The following CAGE1 variants were observed in gnomAD, a reference collection of about 807,000 sequenced individuals.
CAGE1 encodes the protein cancer-associated gene 1 protein.
In CAGE1, 66 loss-of-function variants were observed where a neutral mutation model predicts 94.9. That is an observed-to-expected ratio of 0.70 (90% CI 0.57 to 0.85). CAGE1 has a LOEUF of 0.85. Among genes scored for constraint, CAGE1 ranks in the 40% least tolerant of loss-of-function variants. The pLI, the probability that CAGE1 is intolerant of heterozygous loss-of-function variation, is 0.00. For missense variants in CAGE1, 865 were observed against 950.4 expected (o/e 0.91, Z 1.18); for synonymous variants, 319 against 321.0 (o/e 0.99, Z 0.07).
chr6:7,355,532 A>G (rs1759921113), intron 10 of CAGE1, among the ~76,000 whole-genome samples: 1 of 152,258 alleles, frequency 6.6e-6, no homozygotes, highest in South Asian at 2.1e-4. Context: ...GGATAGACAC[A>G]CACAACAATC....
intron 11 of CAGE1, among the ~76,000 whole-genome samples, chr6:7,346,812 T>G (rs1759561876): frequency 6.6e-6 from 1 of 151,716 alleles, no homozygotes; most frequent in South Asian, 2.1e-4. Context: ...CAGCTGAGAT[T>G]GTGCCACTGC....
intron 11 of CAGE1, among the ~76,000 whole-genome samples, chr6:7,337,325 G>GAAAAAAAA (rs58144720): frequency 1.2e-5 from 1 of 81,592 alleles, no homozygotes; most frequent in Non-Finnish European, 2.5e-5. Flanking sequence ...AGACTGTCTC[G>GAAAAAAAA]AAAAAAAAAA....
intron 6 of CAGE1, among the ~76,000 whole-genome samples, chr6:7,369,243 G>A (rs1221138423): frequency 6.6e-6 from 1 of 151,966 alleles, no homozygotes; most frequent in Non-Finnish European, 1.5e-5. Context: ...CCTGACCTCA[G>A]GTGATCTGCC....
intron 11 of CAGE1, among the ~76,000 whole-genome samples, chr6:7,344,460 A>G (rs991985260): frequency 1.1e-4 from 16 of 152,192 alleles, no homozygotes; most frequent in African/African-American, 3.6e-4. Flanking sequence ...CCCGCAGGGC[A>G]GGATTCGGGA....
chr6:7,345,035 C>T (rs1435913635), intron 11 of CAGE1, among the ~76,000 whole-genome samples: 1 of 152,142 alleles, frequency 6.6e-6, no homozygotes, highest in Non-Finnish European at 1.5e-5. Flanking sequence ...ACCAGGGTGC[C>T]CAAGCCAGCA....
chr6:7,348,497 CA>C (rs1233881140), intron 11 of CAGE1, among the ~76,000 whole-genome samples: 1 of 152,166 alleles, frequency 6.6e-6, no homozygotes, highest in Non-Finnish European at 1.5e-5. Flanking sequence ...GGTAATATGA[CA>C]AAACAAGGCT....
rs1235959047 is a variant in CAGE1 at position 7,339,487 on chromosome 6, C to G, written c.2370-5397G>C. ...CCAGAGTAGCCATCTTCAGCCAGCT[C>G]CTGAGTAAGAAACTCATTCATTTCA... On this transcript the variant is annotated intron_variant, in intron 11 of 13. Transcript: ENST00000502583. This position sits in a 1 kb window ranked among gnomAD's most constrained non-coding sequence, Gnocchi z 4.7. 1.1e-6 allele frequency: 1 copy of G among 875,050 alleles called. No homozygotes were observed. Among genetic ancestry groups the G allele is most frequent in the South Asian group, 1.3e-5 (1 of 76,338 alleles). The allele number at this position is 875,050 out of a possible 1,614,324, so 54.2% of individuals were successfully genotyped here. A position where few individuals can be genotyped will look rare whatever the true frequency, so the allele number is the denominator to read the frequency against.
intron 5 of CAGE1, among the ~76,000 whole-genome samples, chr6:7,372,790 T>G (rs1760585292): frequency 6.6e-6 from 1 of 152,064 alleles, no homozygotes; most frequent in Non-Finnish European, 1.5e-5. Flanking sequence ...CATCTCAACC[T>G]CCCGAATAGA....
Position 7,378,862 on chromosome 6 carries a change from A to G in CAGE1, c.442T>C (p.Tyr148His). 6.2e-7 allele frequency: 1 copy of G among 1,612,278 alleles called. No homozygotes were observed. The highest frequency in any genetic ancestry group is 1.3e-5 in the African/African-American group (1 of 75,042). The change falls in exon 4 of 14, where the codon TAT becomes CAT. Residue 148 changes from tyrosine (Y) to histidine (H), a missense_variant. Physicochemically the swap from Tyr to His is moderately conservative, Grantham distance 83 (BLOSUM62 2). Transcript: ENST00000502583. ...TEKPEFQSQV[Y>H]NYAKDNNIKQ... Reference sequence around the variant, plus strand: ...ATATTGTTGTCTTTTGCATAATTATACACTTGACTTTGAAATTCTGGCTTC... The same window carrying G: ...ATATTGTTGTCTTTTGCATAATTATGCACTTGACTTTGAAATTCTGGCTTC...
intron 11 of CAGE1, chr6:7,341,279 G>T: frequency 1.5e-6 from 1 of 662,038 alleles, no homozygotes. Flanking sequence ...TCCTTGTGGT[G>T]GGTGTAAACA....
chr6:7,334,743 G>GA (rs1758892547), intron 11 of CAGE1, among the ~76,000 whole-genome samples: 1 of 93,708 alleles, frequency 1.1e-5, no homozygotes. Context: ...AAAAAAAAAA[G>GA]GAAAGAAAGA....
chr6:7,365,809 T>C lies in CAGE1; in HGVS notation c.2080A>G (p.Ile694Val), dbSNP rs773825211. 95 of 1,520,828 alleles carry C rather than the reference T, an allele frequency of 6.2e-5. No homozygotes were observed. The highest frequency in any genetic ancestry group is 7.7e-5 in the Non-Finnish European group (86 of 1,123,398). 94.2% of individuals were successfully genotyped at this position (1,520,828 alleles called of 1,614,324 possible). A position where few individuals can be genotyped will look rare whatever the true frequency, so the allele number is the denominator to read the frequency against. ...GTAGTAAATATTAAGCTCACCTTAATAGCATGATCTTGAAATGCTTTTTCC... is the reference window on the plus strand; with the variant it reads ...GTAGTAAATATTAAGCTCACCTTAACAGCATGATCTTGAAATGCTTTTTCC... ...AKEKAFQDHA[I>V]KVIDCDSDEA... Residue 694 changes from isoleucine (I) to valine (V), a missense_variant, in exon 8 of 14, where the codon ATT becomes GTT. By Grantham distance (29) the Ile-to-Val change is conservative (BLOSUM62 3). Transcript: ENST00000502583.
At chr6:7,353,919 T>C (rs568691253) in intron 11 of CAGE1, among the ~76,000 whole-genome samples, 8 of 151,992 alleles carry the variant, frequency 5.3e-5, no homozygotes, top group Admixed American at 1.3e-4. Flanking sequence ...AAGAATGATA[T>C]AATGGACTCT....
Position 7,365,909 on chromosome 6 carries a change from T to C in CAGE1, c.2005-25A>G, listed in dbSNP as rs570893054. The stretch of plus-strand genomic sequence containing the variant: ...GCTAAGAAAAGGAAAACATTCTGTA[T>C]TTTAGAGAGAAAATACAACTACGCT... On this transcript the variant is annotated intron_variant, in intron 7 of 13. Coordinates refer to ENST00000502583, the MANE Select transcript of CAGE1 (RefSeq NM_001170692.2). The C allele has an allele frequency of 5.9e-4, 777 of 1,318,704 alleles. 9 individuals carry two copies. In the South Asian group the frequency reaches 9.6e-3, roughly 16 times the overall value. 81.7% of individuals were successfully genotyped at this position (1,318,704 alleles called of 1,614,324 possible).
chr6:7,372,690 A>C (rs1335840720), intron 5 of CAGE1, among the ~76,000 whole-genome samples: 2 of 151,468 alleles, frequency 1.3e-5, no homozygotes, highest in Non-Finnish European at 2.9e-5. Context: ...TTTTTTTGAG[A>C]CAGAATCTTG....
chr6:7,349,211 C>A (rs1759678741), intron 11 of CAGE1, among the ~76,000 whole-genome samples: 1 of 152,168 alleles, frequency 6.6e-6, no homozygotes, highest in South Asian at 2.1e-4. Flanking sequence ...TAGCAGATTT[C>A]TCAGCAGAAA....
chr6:7,345,760 A>G (rs1284233245), intron 11 of CAGE1, among the ~76,000 whole-genome samples: 4 of 151,426 alleles, frequency 2.6e-5, no homozygotes, highest in African/African-American at 4.8e-5. Context: ...CGTCTCTACT[A>G]AAAATACAAA....
intron 11 of CAGE1, among the ~76,000 whole-genome samples, chr6:7,345,378 A>G (rs887835306): frequency 6.6e-6 from 1 of 151,922 alleles, no homozygotes; most frequent in Non-Finnish European, 1.5e-5. Flanking sequence ...CATCAGAAGG[A>G]ACAAACGCCA....
At chr6:7,355,256 C>A in intron 10 of CAGE1, 145 bp from the exon 11 acceptor site, 1 of 575,998 alleles carries the variant, frequency 1.7e-6, no homozygotes, top group Non-Finnish European at 3.1e-6. Flanking sequence ...ATTTTGAAAT[C>A]AGGAACATGA....
Sources: allele counts gnomAD v4.1 joint callset (sites outside exome capture counted in the v4.1 genomes callset), GRCh38; gene constraint gnomAD v4.1.1; non-coding constraint Gnocchi (gnomAD v3.1); transcripts MANE v1.5; gene names NCBI Gene and HGNC (gene_info 2026-07-23, HGNC 2026-07-21).